WWOX: variants seen among roughly 807,000 people sequenced by gnomAD.
The protein encoded by WWOX is WW domain containing oxidoreductase, also known as WW domain-containing oxidoreductase.
Under a neutral mutation model 46.2 loss-of-function variants are expected in WWOX, and 69 were observed. That is an observed-to-expected ratio of 1.49 (90% CI 1.23 to 1.82). The LOEUF is 1.82. WWOX is among the 40% of genes most tolerant of loss of function. The pLI is 0.00. For missense variants in WWOX, 919 were observed against 542.6 expected, an observed-to-expected ratio of 1.69 and a Z score of -6.89; for synonymous variants, 359 against 202.6, an observed-to-expected ratio of 1.77 and a Z score of -6.56.
intron 8 of WWOX, among the ~76,000 whole-genome samples, chr16:78,916,993 G>A (rs1395086462): frequency 1.3e-5 from 2 of 152,114 alleles, no homozygotes; most frequent in Non-Finnish European, 2.9e-5. Context: ...ATTTTTCTCA[G>A]CATTGGCACC....
At chr16:78,422,872 CACACACACACACAT>C (rs2082982828) in intron 6 of WWOX, among the ~76,000 whole-genome samples, 1 of 140,764 alleles carries the variant, frequency 7.1e-6, no homozygotes, top group Non-Finnish European at 1.5e-5. Context: ...CACACACACA[CACACACACACACAT>C]ATATTTTTTT....
At chr16:78,880,002 A>G (rs2151213830) in intron 8 of WWOX, among the ~76,000 whole-genome samples, 1 of 152,352 alleles carries the variant, frequency 6.6e-6, no homozygotes, top group South Asian at 2.1e-4. Flanking sequence ...TAATGGCGTT[A>G]GATGACCAAG....
chr16:79,088,208 G>T (rs550786302), intron 8 of WWOX, among the ~76,000 whole-genome samples: 1 of 152,166 alleles, frequency 6.6e-6, no homozygotes, highest in African/African-American at 2.4e-5. Flanking sequence ...CTCAGTCCAC[G>T]GGGTGGCCTT....
At chr16:78,288,926 A>C (rs1212288172) in intron 5 of WWOX, among the ~76,000 whole-genome samples, 16 of 152,176 alleles carry the variant, frequency 1.1e-4, no homozygotes, top group African/African-American at 3.6e-4. Context: ...ACAACAACAA[A>C]AAATTTTCCT....
chr16:78,738,766 A>G (rs1014985495), intron 8 of WWOX, among the ~76,000 whole-genome samples: 1 of 152,176 alleles, frequency 6.6e-6, no homozygotes, highest in Non-Finnish European at 1.5e-5. Flanking sequence ...TGGTTAGACC[A>G]GGGCTGTGCA....
intron 8 of WWOX, among the ~76,000 whole-genome samples, chr16:78,509,438 CA>C (rs58555890): frequency 0.56 from 80,971 of 145,708 alleles, 25,506 homozygotes; most frequent in Non-Finnish European, 0.7. Context: ...GACTCAGTCT[CA>C]AAAAAAAAAA....
In WWOX at chr16:78,639,198, A is replaced by G. The variant is rs979212114; in HGVS notation, c.1056+206446A>G. On this transcript the variant is annotated intron_variant, in intron 8 of 8. Transcript: ENST00000566780. ...GAAGACTTGACTCCCAGGATGTACA[A>G]AGTACTTCTGCATGTGCGCAAAGTC... Among the ~76,000 whole-genome samples, 2 of 152,144 alleles carry G rather than the reference A, an allele frequency of 1.3e-5. 1 individual carries two copies. The highest frequency in any genetic ancestry group is 4.1e-4 in the South Asian group (2 of 4,824).
chr16:78,366,663 G>T (rs1434432406), intron 5 of WWOX, among the ~76,000 whole-genome samples: 1 of 152,104 alleles, frequency 6.6e-6, no homozygotes, highest in Non-Finnish European at 1.5e-5. Flanking sequence ...TGCCACTTTT[G>T]CTTTCATGCT....
At chr16:78,700,348 G>GAT (rs1567500500) in intron 8 of WWOX, among the ~76,000 whole-genome samples, 1 of 128,374 alleles carries the variant, frequency 7.8e-6, no homozygotes, top group Non-Finnish European at 1.6e-5. Context: ...GAGAGAGAGA[G>GAT]AGAGAGAGAG....
chr16:79,115,056 C>T (rs1057402200), intron 8 of WWOX, among the ~76,000 whole-genome samples: 1 of 152,224 alleles, frequency 6.6e-6, no homozygotes, highest in Non-Finnish European at 1.5e-5. Context: ...CTGATGACCT[C>T]TTGTGCCTCC....
intron 8 of WWOX, among the ~76,000 whole-genome samples, chr16:78,536,455 C>T (rs1282062979): frequency 6.6e-6 from 1 of 151,818 alleles, no homozygotes; most frequent in East Asian, 1.9e-4. Context: ...TGCAGCCTTG[C>T]CCACTGAGCT....
At chr16:78,928,747 G>A (rs2045557390) in intron 8 of WWOX, among the ~76,000 whole-genome samples, 1 of 152,156 alleles carries the variant, frequency 6.6e-6, no homozygotes, top group Non-Finnish European at 1.5e-5. Context: ...CTGCATTGCT[G>A]TGTTTCTGTG....
intron 8 of WWOX, among the ~76,000 whole-genome samples, chr16:79,097,684 A>G (rs2049105183): frequency 6.6e-6 from 1 of 152,114 alleles, no homozygotes; most frequent in Non-Finnish European, 1.5e-5. Flanking sequence ...GTGCAATTTA[A>G]TTCTGTTTCC....
intron 8 of WWOX, among the ~76,000 whole-genome samples, chr16:78,435,299 C>G (rs1264667287): frequency 1.3e-5 from 2 of 152,196 alleles, no homozygotes; most frequent in Non-Finnish European, 2.9e-5. Flanking sequence ...CCATGCCTAA[C>G]TCCTTTGCCT....
chr16:78,948,638 C>A (rs898429772), intron 8 of WWOX, among the ~76,000 whole-genome samples: 1 of 151,982 alleles, frequency 6.6e-6, no homozygotes, highest in African/African-American at 2.4e-5. Context: ...TTGGGGGTTC[C>A]CACTCGAAAA....
At chr16:78,909,030 TATC>T (rs980492476) in intron 8 of WWOX, among the ~76,000 whole-genome samples, 12 of 152,338 alleles carry the variant, frequency 7.9e-5, no homozygotes, top group Admixed American at 5.9e-4. Context: ...AAAGGGCTGT[TATC>T]ATCTTTTGTT....
chr16:79,191,087 A>G (rs1337334331), intron 8 of WWOX, among the ~76,000 whole-genome samples: 1 of 152,176 alleles, frequency 6.6e-6, no homozygotes, highest in Middle Eastern at 3.4e-3. Flanking sequence ...GCTCTGTTGC[A>G]GTGTCGCCCA....
chr16:78,721,282 C>A (rs988377481), intron 8 of WWOX, among the ~76,000 whole-genome samples: 5 of 152,166 alleles, frequency 3.3e-5, no homozygotes, highest in Non-Finnish European at 5.9e-5. Context: ...TGAACTACTT[C>A]TTTCCATTAT....
chr16:78,717,504 A>C (rs983827211), intron 8 of WWOX, among the ~76,000 whole-genome samples: 1 of 152,192 alleles, frequency 6.6e-6, no homozygotes, highest in African/African-American at 2.4e-5. Context: ...TATTAAGTAT[A>C]TGAACTGTTG....
Sources: gnomAD v4.1 joint callset for allele counts (sites outside exome capture counted in the v4.1 genomes callset) on GRCh38, gnomAD v4.1.1 for gene constraint, MANE v1.5 for transcripts, NCBI Gene and HGNC (gene_info 2026-07-23, HGNC 2026-07-21) for gene names.